The following MUC4 variants were observed in gnomAD, a reference collection of about 807,000 sequenced individuals.
The protein encoded by MUC4 is mucin-4.
A neutral mutation model predicts 257.9 loss-of-function variants in MUC4; 202 were observed. The observed-to-expected ratio is 0.78, with a 90% confidence interval of 0.70 to 0.88. The LOEUF (loss-of-function observed/expected upper bound fraction) is 0.88, where lower values mean the gene tolerates loss of function less well. Among genes scored for constraint, MUC4 ranks in the 40% least tolerant of loss-of-function variants. The probability of loss-of-function intolerance (pLI) is 0.00; values close to 1 mark genes in which losing one functional copy is unlikely to be tolerated. For synonymous variants in MUC4, 2,351 were observed against 2,757.1 expected (o/e 0.85, Z 4.62); for missense variants, 5,976 against 6,513.7 (o/e 0.92, Z 2.84).
At chr3:195,808,340 C>T (rs1346804268) in intron 1 of MUC4, among the ~76,000 whole-genome samples, 4 of 152,088 alleles carry the variant, frequency 2.6e-5, no homozygotes, top group Admixed American at 6.5e-5. Context: ...CTCAGCCTCC[C>T]GAGTAGCTGG....
At chr3:195,772,003 C>T (rs1055854380) in intron 4 of MUC4, among the ~76,000 whole-genome samples, 187 bp from the exon 5 acceptor site, 4 of 152,176 alleles carry the variant, frequency 2.6e-5, no homozygotes, top group African/African-American at 7.2e-5. Flanking sequence ...ACAGAATGCT[C>T]CGCCCTCAGG....
At chr3:195,804,810 G>C (rs1360909319) in intron 1 of MUC4, among the ~76,000 whole-genome samples, 1 of 152,230 alleles carries the variant, frequency 6.6e-6, no homozygotes, top group African/African-American at 2.4e-5. Flanking sequence ...AATGCTATTT[G>C]TGTATCAGCC....
At chr3:195,796,443 T>G (rs1229780294) in intron 1 of MUC4, among the ~76,000 whole-genome samples, 1 of 150,580 alleles carries the variant, frequency 6.6e-6, no homozygotes, top group Non-Finnish European at 1.5e-5. Flanking sequence ...CCGGGTGCGG[T>G]GGCTCACGCC....
At chr3:195,748,518 C>T (rs1420201027) in intron 24 of MUC4, among the ~76,000 whole-genome samples, 2 of 152,200 alleles carry the variant, frequency 1.3e-5, no homozygotes, top group African/African-American at 2.4e-5. Flanking sequence ...GAGCCGAGAA[C>T]GCACCACTGC....
At chr3:195,764,898 A>G in intron 10 of MUC4, 99 bp downstream of exon 10, 1 of 1,506,980 alleles carries the variant, frequency 6.6e-7, no homozygotes, top group Admixed American at 1.9e-5. Flanking sequence ...GGAGGCCCAG[A>G]GAGGGGAAGG....
At position 195,757,313 on chromosome 3, in the gene MUC4, A is replaced by G; in HGVS notation, c.15002T>C (p.Leu5001Pro). 1 of 1,603,972 alleles carries G rather than the reference A, an allele frequency of 6.2e-7. No homozygotes were observed. The highest frequency in any genetic ancestry group is 1.1e-5 in the South Asian group (1 of 90,752). Residue 5001 changes from leucine to proline, a missense_variant, in exon 18 of 25, where the codon CTG (leucine) becomes CCG (proline). Physicochemically the swap from Leu to Pro is moderately conservative, Grantham distance 98 (BLOSUM62 -3). Coordinates refer to ENST00000463781, the MANE Select transcript of MUC4 (RefSeq NM_018406.7). The surrounding 1 kb of genome is among the most constrained non-coding windows in gnomAD (Gnocchi z 4.8). ...DLELFENGTL[L>P]WTPKSLEPFT... Reference sequence around the variant, plus strand: ...TGGCTCCAGCGACTTGGGTGTCCACAGCAACGTCCCATTCTCTGCCCCGGG... The same window carrying G: ...TGGCTCCAGCGACTTGGGTGTCCACGGCAACGTCCCATTCTCTGCCCCGGG...
At chr3:195,801,219 G>C (rs912319578) in intron 1 of MUC4, among the ~76,000 whole-genome samples, 5 of 152,182 alleles carry the variant, frequency 3.3e-5, no homozygotes, top group African/African-American at 4.8e-5. Flanking sequence ...GGTTCCGTCA[G>C]ATTGTCAGAC....
rs1182623140 is a variant in MUC4, at chr3:195,783,138, G to C, written c.8442C>G (p.Ala2814=). Residue 2814 remains alanine, a synonymous_variant, in exon 2 of 25, where the codon GCC becomes GCG. Transcript: ENST00000463781. ...AAGCGTCGGTGACAGGAAGAGAGGT[G>C]GCGTGACCTGTGGACACTGACGAAG... The part of the protein sequence containing the change: ...TDASSVSTGH[A]TSLPVTDASS... 6 of 1,325,996 alleles carry C rather than the reference G, an allele frequency of 4.5e-6. 1 individual carries two copies. The highest frequency in any genetic ancestry group is 6.1e-6 in the Non-Finnish European group (6 of 991,728). The allele number at this position is 1,325,996 out of a possible 1,614,324, so 82.1% of individuals were successfully genotyped here. A position where few individuals can be genotyped will look rare whatever the true frequency, so the allele number is the denominator to read the frequency against.
intron 6 of MUC4, 145 bp downstream of exon 6, chr3:195,770,071 G>GT: frequency 2.3e-6 from 2 of 854,614 alleles, no homozygotes; most frequent in Non-Finnish European, 3.4e-6. Context: ...AGTGGTGGCA[G>GT]TGGGGGGGTG....
chr3:195,752,974 G>T, intron 20 of MUC4, 77 bp downstream of exon 20: 1 of 1,273,018 alleles, frequency 7.9e-7, no homozygotes, highest in Non-Finnish European at 1.1e-6. Flanking sequence ...CTTCCCCAAA[G>T]GTGGGCGGAG....
At position 195,788,375 on chromosome 3, in the gene MUC4, G is replaced by C. The variant is rs557978362; in HGVS notation, c.3205C>G (p.His1069Asp). ...VTDTSSASTG[H>D]VTPLPVTSLS... ...CTGGTGACAGGAAGAGGGGTGACGTGACCTGTGGATGCTGAGGAAGTGTCA... is the reference window on the plus strand; with the variant it reads ...CTGGTGACAGGAAGAGGGGTGACGTCACCTGTGGATGCTGAGGAAGTGTCA... The change falls in exon 2 of 25, where the codon CAC becomes GAC. Residue 1069 changes from histidine to aspartate, a missense_variant. Physicochemically the swap from His to Asp is moderately conservative, Grantham distance 81 (BLOSUM62 -1). Transcript: ENST00000463781. 6.5e-7 allele frequency: 1 copy of C among 1,534,044 alleles called. No homozygotes were observed. Among genetic ancestry groups the C allele is most frequent in the Middle Eastern group, 2.1e-4 (1 of 4,728 alleles).
chr3:195,781,590 A>C lies in MUC4; in HGVS notation c.9990T>G (p.His3330Gln). 1 of 560,310 alleles carries C rather than the reference A, an allele frequency of 1.8e-6. No homozygotes were observed. Among genetic ancestry groups the C allele is most frequent in the Non-Finnish European group, 2.5e-6 (1 of 400,680 alleles). 34.7% of individuals were successfully genotyped at this position (560,310 alleles called of 1,614,324 possible). ...SASTGHATPL[H>Q]VTSPSSASTG... ...TGGATGCTGAGGAAGGGCTGGTGAC[A>C]TGAAGAGGGGTGGCGTGACCTGTGG... The change falls in exon 2 of 25, where the codon CAT becomes CAG. Residue 3330 changes from histidine (H) to glutamine (Q), a missense_variant. Physicochemically the swap from His to Gln is conservative, Grantham distance 24. Around this residue, in one of 44 missense-constraint regions of MUC4, gnomAD observed 72 missense variants for 33.5 expected, o/e 2.15. Coordinates refer to ENST00000463781, the MANE Select transcript of MUC4 (RefSeq NM_018406.7).
rs781697107 is a variant in MUC4, at chr3:195,752,477, C to A, written c.15509-31G>T. 5.0e-6 allele frequency: 8 copies of A among 1,593,068 alleles called. No homozygotes were observed. In the African/African-American group the frequency reaches 1.1e-4, roughly 21 times the overall value. ...GATGGGAGAAGCAAATGTATCATCA[C>A]CCCACGGTTTACCCAGACTTACCCA... On this transcript the variant is annotated intron_variant, in intron 20 of 24. Transcript: ENST00000463781.
rs1292367923 is a variant in MUC4 at position 195,757,582 on chromosome 3, T to C, written c.14987-254A>G. The stretch of plus-strand genomic sequence containing the variant: ...CACAGAGGGGAAAGCAGTTTCCTCC[T>C]GAAGAAACCCCAAAGGGCAGCCCTG... On this transcript the variant is annotated intron_variant, in intron 17 of 24. Coordinates refer to ENST00000463781, the MANE Select transcript of MUC4 (RefSeq NM_018406.7). This position sits in a 1 kb window ranked among gnomAD's most constrained non-coding sequence, Gnocchi z 4.8. Among the ~76,000 whole-genome samples, 1 of 152,140 alleles carries C rather than the reference T, an allele frequency of 6.6e-6. No individual in the cohort carries two copies. The highest frequency in any genetic ancestry group is 2.4e-5 in the African/African-American group (1 of 41,436).
rs1476531546 is a variant in MUC4 at position 195,747,127 on chromosome 3, C to G, written c.*49G>C. 1.4e-5 allele frequency: 22 copies of G among 1,605,640 alleles called. No homozygotes were observed. The highest frequency in any genetic ancestry group is 1.7e-5 in the Non-Finnish European group (20 of 1,173,266). On this transcript the variant is annotated 3_prime_UTR_variant, in exon 25 of 25. Transcript: ENST00000463781. ...CAAAAGCAATGGCGCCTTAAATGTGCGGTAAGGATGAGGTGAGTCTTGAGG... is the reference window on the plus strand; with the variant it reads ...CAAAAGCAATGGCGCCTTAAATGTGGGGTAAGGATGAGGTGAGTCTTGAGG...
chr3:195,754,778 G>A (rs1717191332), intron 18 of MUC4, among the ~76,000 whole-genome samples: 1 of 152,182 alleles, frequency 6.6e-6, no homozygotes, highest in Admixed American at 6.5e-5. Flanking sequence ...ATCCATGTAT[G>A]TATGTGTGTA....
chr3:195,765,268 A>G lies in MUC4; in HGVS notation c.13798+2T>C, dbSNP rs750988203. 6.2e-7 allele frequency: 1 copy of G among 1,609,934 alleles called. No homozygotes were observed. Among genetic ancestry groups the G allele is most frequent in the East Asian group, 2.2e-5 (1 of 44,808 alleles). On this transcript the variant is annotated splice_donor_variant, in intron 9 of 24. Transcript: ENST00000463781. LOFTEE classifies it high-confidence loss of function. ...TTGTGGGGGGCGGGAAGGAGGTGTC[A>G]CCTATGCTGACGGGTTGGAATCGTA...
rs753885378 is a variant in MUC4, at chr3:195,790,365, T to C, written c.1215A>G (p.Gly405=). 1.2e-6 allele frequency: 2 copies of C among 1,613,870 alleles called. No individual in the cohort carries two copies. The highest frequency in any genetic ancestry group is 2.2e-5 in the South Asian group (2 of 91,072). The change falls in exon 2 of 25, where the codon GGA becomes GGG. Residue 405 remains glycine, a synonymous_variant. Transcript: ENST00000463781. ...CAGATAGTGATGTCTCCTCTGTGTT[T>C]CCAAGAGTAGAGTCTCTGGAGGTTG... ...RMPTSRDSTL[G]NTEETSLSVS...
At position 195,759,164 on chromosome 3, in the gene MUC4, G is replaced by A. The variant is rs750636087; in HGVS notation, c.14946C>T (p.Asn4982=). 1 of 1,613,972 alleles carries A rather than the reference G, an allele frequency of 6.2e-7. No individual in the cohort carries two copies. The highest frequency in any genetic ancestry group is 1.3e-5 in the African/African-American group (1 of 74,892). Residue 4982 remains asparagine (N), a synonymous_variant, in exon 17 of 25, where the codon AAC becomes AAT. Coordinates refer to ENST00000463781, the MANE Select transcript of MUC4 (RefSeq NM_018406.7). ...CGGTGCAGCTGTCTCTGAGCGTGAA[G>A]TTGGCATCCTCAGCATTGCTGGTGT... ...IQYTSNAEDA[N]FTLRDSCTDL... is the part of the protein sequence containing the mutation.
Sources: gnomAD v4.1 joint callset for allele counts (sites outside exome capture counted in the v4.1 genomes callset) on GRCh38, gnomAD v4.1.1 for gene constraint, gnomAD v4.1.1 regional missense constraint, Gnocchi (gnomAD v3.1) non-coding constraint, MANE v1.5 for transcripts, NCBI Gene and HGNC (gene_info 2026-07-23, HGNC 2026-07-21) for gene names.